The following WLS variants were observed in gnomAD, a reference collection of about 807,000 sequenced individuals.
WLS encodes the protein Wnt ligand secretion mediator, also known as protein wntless homolog.
In WLS, 23 loss-of-function variants were observed where a neutral mutation model predicts 62.8. The ratio of observed to expected loss-of-function variants is 0.37; its 90% CI spans 0.26 to 0.52. The LOEUF is 0.52. Ranked by LOEUF, WLS falls within the 20% of genes least tolerant of loss-of-function variation. The pLI is 0.92. For missense variants in WLS, 615 were observed against 697.3 expected (o/e 0.88, Z 1.33); for synonymous variants, 246 against 244.1 (o/e 1.01, Z -0.07).
chr1:68,136,730 T>G (rs1646616366), intron 11 of WLS, among the ~76,000 whole-genome samples: 1 of 152,240 alleles, frequency 6.6e-6, no homozygotes, highest in Non-Finnish European at 1.5e-5. Context: ...TTAAAGAAGA[T>G]GCTGCATTTT....
At chr1:68,215,885 C>T (rs962015562) in intron 1 of WLS, among the ~76,000 whole-genome samples, 3 of 152,214 alleles carry the variant, frequency 2.0e-5, no homozygotes, top group Non-Finnish European at 4.4e-5. Flanking sequence ...ATCTCCTAGG[C>T]ACTCCCTGGT....
chr1:68,100,336 T>G (rs1046380587), intron 11 of WLS, among the ~76,000 whole-genome samples: 4 of 152,146 alleles, frequency 2.6e-5, no homozygotes, highest in African/African-American at 9.7e-5. Context: ...CTATTGTCTC[T>G]CCTTCCCAGA....
intron 1 of WLS, among the ~76,000 whole-genome samples, chr1:68,212,266 G>A (rs1025137543): frequency 6.6e-6 from 1 of 152,132 alleles, no homozygotes; most frequent in Admixed American, 6.5e-5. Context: ...GTTCACGAAG[G>A]GAAATACAGA....
At chr1:68,165,439 G>C (rs6695395) in intron 2 of WLS, among the ~76,000 whole-genome samples, 3,234 of 152,272 alleles carry the variant, frequency 0.021, 47 homozygotes, top group Non-Finnish European at 0.032. Flanking sequence ...TCAGACTCCA[G>C]AACATTCTGC....
At chr1:68,154,630 T>C (rs1280638366) in intron 4 of WLS, among the ~76,000 whole-genome samples, 1 of 152,222 alleles carries the variant, frequency 6.6e-6, no homozygotes, top group African/African-American at 2.4e-5. Context: ...ATTATTATGC[T>C]TTTCTGTGTC....
Position 68,125,387 on chromosome 1 carries a change from G to C in WLS, c.*839C>G. ...AGTTTTAGCAGGAGGGGATATGCAT[G>C]TACACATATGCATATACATACAGGT... On this transcript the variant is annotated 3_prime_UTR_variant, in exon 12 of 12. Coordinates refer to ENST00000262348, the MANE Select transcript of WLS (RefSeq NM_024911.7). The C allele has an allele frequency of 1.0e-6, 1 of 985,260 alleles. No homozygotes were observed. 61.0% of individuals were successfully genotyped at this position (985,260 alleles called of 1,614,324 possible).
chr1:68,231,823 A>C, intron 1 of WLS: 2 of 451,454 alleles, frequency 4.4e-6, no homozygotes, highest in Non-Finnish European at 4.2e-6. Flanking sequence ...TTGGAAGGGA[A>C]CCGAGAGGAA....
At chr1:68,180,332 T>C (rs993676292) in intron 2 of WLS, among the ~76,000 whole-genome samples, 1 of 152,132 alleles carries the variant, frequency 6.6e-6, no homozygotes, top group African/African-American at 2.4e-5. Flanking sequence ...TTAACTTTAA[T>C]GAAGGCATAA....
At chr1:68,196,049 TA>T (rs1216182621) in intron 1 of WLS, among the ~76,000 whole-genome samples, 1 of 151,916 alleles carries the variant, frequency 6.6e-6, no homozygotes, top group Non-Finnish European at 1.5e-5. Flanking sequence ...TTGAATTTTA[TA>T]AATTTATTAT....
intron 1 of WLS, among the ~76,000 whole-genome samples, chr1:68,205,966 G>A (rs1649264430): frequency 1.3e-5 from 2 of 152,200 alleles, no homozygotes; most frequent in African/African-American, 4.8e-5. Flanking sequence ...ACAGTGGAGT[G>A]TAGCTGGTAT....
At chr1:68,145,730 G>T in intron 9 of WLS, 139 bp downstream of exon 9, 1 of 1,391,166 alleles carries the variant, frequency 7.2e-7, no homozygotes, top group South Asian at 1.5e-5. Flanking sequence ...CTCTAATTTT[G>T]CCCAGAGATC....
intron 2 of WLS, among the ~76,000 whole-genome samples, chr1:68,161,067 A>C (rs1646965406): frequency 1.3e-5 from 2 of 152,218 alleles, no homozygotes; most frequent in African/African-American, 4.8e-5. Context: ...CACTCAATAA[A>C]ACAGCAGAGG....
At chr1:68,149,505 G>T (rs773606573) in intron 6 of WLS, among the ~76,000 whole-genome samples, 1 of 152,166 alleles carries the variant, frequency 6.6e-6, no homozygotes, top group Non-Finnish European at 1.5e-5. Flanking sequence ...GAGCCATAAT[G>T]GAATTTAAAA....
chr1:68,141,823 C>G (rs891194027), intron 10 of WLS: 4 of 152,018 alleles, frequency 2.6e-5, no homozygotes, highest in Non-Finnish European at 5.9e-5. Flanking sequence ...TAATACAGTA[C>G]CTGGGACACT....
Position 68,191,746 on chromosome 1 carries a change from T to G in WLS, c.379+2209A>C, listed in dbSNP as rs143893519. Among the ~76,000 whole-genome samples the G allele has an allele frequency of 2.9e-3, 439 of 152,332 alleles. 3 individuals are homozygous for G. The highest frequency in any genetic ancestry group is 0.01 in the African/African-American group (424 of 41,568). ...GTTTAGGGACATGGGAACCACCACT[T>G]AAAAGCTTGAGGCTGTTGTGCAAAT... On this transcript the variant is annotated intron_variant, in intron 2 of 11. Transcript: ENST00000262348.
At chr1:68,148,247 C>A in intron 7 of WLS, 48 bp from the exon 8 acceptor site, 1 of 1,591,772 alleles carries the variant, frequency 6.3e-7, no homozygotes, top group Non-Finnish European at 8.6e-7. Flanking sequence ...AATACAAAGG[C>A]AACGGGAACT....
At chr1:68,199,404 T>C (rs577888387) in intron 1 of WLS, among the ~76,000 whole-genome samples, 11 of 152,092 alleles carry the variant, frequency 7.2e-5, no homozygotes, top group Non-Finnish European at 1.6e-4. Context: ...GAGGGTAGCT[T>C]TCGGCAGGGC....
downstream of WLS, among the ~76,000 whole-genome samples, chr1:68,120,934 T>G (rs1310335737): frequency 6.6e-6 from 1 of 152,232 alleles, no homozygotes; most frequent in Non-Finnish European, 1.5e-5. Flanking sequence ...TTAACCTAAC[T>G]GGTGTATGGG....
intron 11 of WLS, among the ~76,000 whole-genome samples, chr1:68,136,537 T>C (rs1646612900): frequency 6.6e-6 from 1 of 152,236 alleles, no homozygotes; most frequent in African/African-American, 2.4e-5. Context: ...TTGTAAAGAC[T>C]GACAGTACAA....
Sources: allele counts gnomAD v4.1 joint callset (sites outside exome capture counted in the v4.1 genomes callset), GRCh38; gene constraint gnomAD v4.1.1; transcripts MANE v1.5; gene names NCBI Gene and HGNC (gene_info 2026-07-23, HGNC 2026-07-21).